TENM2: variants seen among roughly 807,000 people sequenced by gnomAD.
The protein encoded by TENM2 is teneurin transmembrane protein 2, also known as teneurin-2.
A neutral mutation model predicts 245.2 loss-of-function variants in TENM2; 52 were observed. The ratio of observed to expected loss-of-function variants is 0.21; its 90% confidence interval spans 0.17 to 0.27. The LOEUF is 0.27. Ranked by LOEUF, TENM2 falls within the 10% of genes least tolerant of loss-of-function variation. TENM2 has a pLI of 1.00. For synonymous variants in TENM2, 1,363 were observed against 1,438.9 expected (o/e 0.95, Z 1.19); for missense variants, 3,046 against 3,666.8 (o/e 0.83, Z 4.37).
intron 5 of TENM2, among the ~76,000 whole-genome samples, chr5:168,044,915 G>A (rs960651547): frequency 1.1e-4 from 17 of 149,334 alleles, no homozygotes; most frequent in Non-Finnish European, 2.5e-4. Context: ...AAGTGAGAGA[G>A]AAAGAATGGC....
At chr5:168,187,815 G>T (rs1760608742) in intron 13 of TENM2, 1 of 152,130 alleles carries the variant, frequency 6.6e-6, no homozygotes, top group South Asian at 2.1e-4. Flanking sequence ...TGTTTCTAGG[G>T]TCTGAGGTTT....
chr5:167,805,992 G>A (rs186615243), intron 2 of TENM2, among the ~76,000 whole-genome samples: 7 of 152,130 alleles, frequency 4.6e-5, no homozygotes, highest in African/African-American at 9.6e-5. Context: ...CAGGAAATAC[G>A]CATATTTTAT....
chr5:167,154,072 T>C, the TENM2 span, among the ~76,000 whole-genome samples: 6 of 152,212 alleles, frequency 3.9e-5, no homozygotes, highest in Non-Finnish European at 5.9e-5. Context: ...ATGATTTTCT[T>C]CTGGAGATTA....
intron 3 of TENM2, among the ~76,000 whole-genome samples, chr5:167,881,604 T>G (rs1285165383): frequency 6.6e-6 from 1 of 152,220 alleles, no homozygotes; most frequent in Non-Finnish European, 1.5e-5. Context: ...TAAGCCACTT[T>G]GACTCCAGGT....
intron 9 of TENM2, among the ~76,000 whole-genome samples, chr5:168,115,909 T>C (rs1029165513): frequency 6.6e-6 from 1 of 152,150 alleles, no homozygotes; most frequent in Non-Finnish European, 1.5e-5. Context: ...GTGATGTCTG[T>C]AGAGGTGTGG....
In TENM2 at chr5:168,200,148, A is replaced by C. The variant is rs181144833; in HGVS notation, c.3430+17A>C. On this transcript the variant is annotated intron_variant, in intron 17 of 28. Transcript: ENST00000518659. ...ATGCTGTTGGTATGTTTTGGTTTCA[A>C]CCACTTATTGATCAATGGATTTAGT... is the stretch of plus-strand genomic sequence containing the variant. 1.1e-5 allele frequency: 17 copies of C among 1,605,856 alleles called. No homozygotes were observed. Among genetic ancestry groups the C allele is most frequent in the Non-Finnish European group, 1.4e-5 (17 of 1,174,908 alleles).
chr5:167,726,201 A>C (rs1561710406), intron 2 of TENM2, among the ~76,000 whole-genome samples: 1 of 151,988 alleles, frequency 6.6e-6, no homozygotes, highest in Non-Finnish European at 1.5e-5. Flanking sequence ...AATGCCTCTG[A>C]AAAGGGAGTT....
At chr5:167,113,821 A>G in the TENM2 span, among the ~76,000 whole-genome samples, 2 of 152,288 alleles carry the variant, frequency 1.3e-5, 1 homozygote, top group South Asian at 4.1e-4. Context: ...AAAGATAACC[A>G]TGGTTAACTG....
the TENM2 span, among the ~76,000 whole-genome samples, chr5:167,083,125 T>C: frequency 6.6e-6 from 1 of 152,156 alleles, no homozygotes; most frequent in African/African-American, 2.4e-5. Flanking sequence ...TTTTTCTCCT[T>C]TCACTAGAAA....
intron 12 of TENM2, among the ~76,000 whole-genome samples, chr5:168,147,134 C>T (rs571339078): frequency 2.0e-5 from 3 of 152,276 alleles, no homozygotes; most frequent in Non-Finnish European, 4.4e-5. Flanking sequence ...TCAGAGTTCA[C>T]ATTTCCACCA....
At chr5:168,236,963 TATATATATATATATATATATATATATATA>T (rs1765510605) in intron 25 of TENM2, among the ~76,000 whole-genome samples, 3 of 3,702 alleles carry the variant, frequency 8.1e-4, no homozygotes, top group Non-Finnish European at 2.0e-3. Context: ...TATATATATA[TATATATATATATATATATATATATATATA>T]TATATATATT....
At chr5:167,000,856 A>T in the TENM2 span, among the ~76,000 whole-genome samples, 1 of 152,178 alleles carries the variant, frequency 6.6e-6, no homozygotes, top group Admixed American at 6.5e-5. Context: ...AACGTTTCGT[A>T]ATTTACTTAT....
chr5:167,154,682 G>A, the TENM2 span, among the ~76,000 whole-genome samples: 2 of 152,254 alleles, frequency 1.3e-5, no homozygotes, highest in East Asian at 1.9e-4. Context: ...ATCTAGGCCT[G>A]TATTCTCTTT....
At chr5:167,504,594 A>G (rs1467535566) in intron 2 of TENM2, among the ~76,000 whole-genome samples, 3 of 152,184 alleles carry the variant, frequency 2.0e-5, no homozygotes, top group Admixed American at 2.0e-4. Flanking sequence ...TATTACTTTA[A>G]CCACTGGGAG....
chr5:167,964,045 T>C (rs1306879885), intron 4 of TENM2, among the ~76,000 whole-genome samples: 1 of 152,226 alleles, frequency 6.6e-6, no homozygotes, highest in Non-Finnish European at 1.5e-5. Flanking sequence ...TCTTAAGTAG[T>C]GTGTTACAGA....
chr5:168,234,424 A>G (rs1480246242), intron 25 of TENM2, among the ~76,000 whole-genome samples: 5 of 152,144 alleles, frequency 3.3e-5, no homozygotes, highest in African/African-American at 1.2e-4. Flanking sequence ...AAAAGCACCT[A>G]GACAGGGAAG....
chr5:167,746,946 A>C (rs1261230861), intron 2 of TENM2, among the ~76,000 whole-genome samples: 1 of 152,182 alleles, frequency 6.6e-6, no homozygotes, highest in Non-Finnish European at 1.5e-5. Flanking sequence ...GACATAGTGC[A>C]ACGTGTTAGC....
At chr5:168,154,413 C>T (rs1250269880) in intron 12 of TENM2, among the ~76,000 whole-genome samples, 1 of 152,128 alleles carries the variant, frequency 6.6e-6, no homozygotes, top group Admixed American at 6.5e-5. Context: ...GACTAAACAA[C>T]GGGGTTTCAC....
chr5:167,453,817 T>C lies in TENM2; in HGVS notation c.502+78344T>C, dbSNP rs551004138. On this transcript the variant is annotated intron_variant, in intron 2 of 28. Transcript: ENST00000518659. ...ACATTCGATTTTCTTCTGTGGTTAT[T>C]TTGGCATGCAGGAATTCAGATTCAT... is the stretch of plus-strand genomic sequence containing the variant. Among the ~76,000 whole-genome samples the C allele has an allele frequency of 2.6e-5, 4 of 152,320 alleles. No homozygotes were observed. The East Asian group carries it at 7.7e-4, about 29-fold the overall frequency.
Sources: gnomAD v4.1 joint callset for allele counts (sites outside exome capture counted in the v4.1 genomes callset) on GRCh38, gnomAD v4.1.1 for gene constraint, MANE v1.5 for transcripts, NCBI Gene and HGNC (gene_info 2026-07-23, HGNC 2026-07-21) for gene names.